RANBP2: variants seen among roughly 807,000 people sequenced by gnomAD.
RANBP2 encodes the protein RAN binding protein 2.
In RANBP2, 57 loss-of-function variants were observed where a neutral mutation model predicts 303.6. The ratio of observed to expected loss-of-function variants is 0.19; its 90% CI spans 0.15 to 0.23. The LOEUF is 0.23. Ranked by LOEUF, RANBP2 falls within the 10% of genes least tolerant of loss-of-function variation. The pLI is 1.00. For missense variants in RANBP2, 3,138 were observed against 3,780.8 expected, an observed-to-expected ratio of 0.83 and a Z score of 4.46; for synonymous variants, 1,167 against 1,301.5, an observed-to-expected ratio of 0.90 and a Z score of 2.23.
chr2:108,961,414 C>A, the RANBP2 span, among the ~76,000 whole-genome samples: 12 of 152,170 alleles, frequency 7.9e-5, no homozygotes, highest in African/African-American at 2.7e-4. Context: ...CAGGGAGGAG[C>A]CAGCATTGGA....
chr2:108,862,054 A>T, the RANBP2 span, among the ~76,000 whole-genome samples: 1 of 146,296 alleles, frequency 6.8e-6, no homozygotes. Flanking sequence ...CTATGGCCCA[A>T]GAGGATTCTT....
At chr2:108,999,491 G>A in the RANBP2 span, among the ~76,000 whole-genome samples, 1 of 152,328 alleles carries the variant, frequency 6.6e-6, no homozygotes, top group East Asian at 1.9e-4. Flanking sequence ...TGAGCAAGGT[G>A]ACCCTGGTCT....
chr2:109,666,324 G>T, the RANBP2 span, among the ~76,000 whole-genome samples: 41 of 152,150 alleles, frequency 2.7e-4, no homozygotes, highest in African/African-American at 8.9e-4. Context: ...GTGAGAAGGA[G>T]ATTTCTCTGA....
chr2:109,726,058 GGTGTGTGTGTGTGTGT>G, the RANBP2 span, among the ~76,000 whole-genome samples: 2 of 137,030 alleles, frequency 1.5e-5, no homozygotes, highest in African/African-American at 2.8e-5. Context: ...TTTTGCTTTT[GGTGTGTGTGTGTGTGT>G]GTGTGTGTGT....
the RANBP2 span, among the ~76,000 whole-genome samples, chr2:109,101,131 CTGCAGGGAAG>C: frequency 6.6e-6 from 1 of 152,106 alleles, no homozygotes; most frequent in East Asian, 1.9e-4. Context: ...GAGTGGGAGG[CTGCAGGGAAG>C]TGCAGGCTGC....
chr2:109,737,176 T>C, the RANBP2 span: 1 of 797,554 alleles, frequency 1.3e-6, no homozygotes, highest in Non-Finnish European at 2.0e-6. Flanking sequence ...CTGGTTAATT[T>C]GGAAGGAACG....
At chr2:109,378,025 T>C in the RANBP2 span, among the ~76,000 whole-genome samples, 1 of 152,230 alleles carries the variant, frequency 6.6e-6, no homozygotes, top group Non-Finnish European at 1.5e-5. Flanking sequence ...GGATTTGCCA[T>C]TTTACCTTGG....
chr2:109,039,600 C>T, the RANBP2 span, among the ~76,000 whole-genome samples: 3 of 152,154 alleles, frequency 2.0e-5, no homozygotes, highest in Non-Finnish European at 4.4e-5. Flanking sequence ...CTGCCCACCT[C>T]GGCCTCCCAA....
the RANBP2 span, among the ~76,000 whole-genome samples, chr2:109,170,802 C>T: frequency 6.6e-6 from 1 of 152,196 alleles, no homozygotes; most frequent in African/African-American, 2.4e-5. Flanking sequence ...AAGCTGACAT[C>T]CAGGTGCACA....
At chr2:108,809,198 A>G in the RANBP2 span, among the ~76,000 whole-genome samples, 1 of 152,104 alleles carries the variant, frequency 6.6e-6, no homozygotes, top group African/African-American at 2.4e-5. Flanking sequence ...TGCCAATACT[A>G]TGCTGTTCTG....
At chr2:109,666,501 GA>G in the RANBP2 span, among the ~76,000 whole-genome samples, 1 of 152,170 alleles carries the variant, frequency 6.6e-6, no homozygotes, top group Non-Finnish European at 1.5e-5. Context: ...CAACGTTTCT[GA>G]GGCAGTTAAG....
the RANBP2 span, among the ~76,000 whole-genome samples, chr2:108,812,054 C>A: frequency 3.3e-5 from 5 of 151,698 alleles, no homozygotes; most frequent in South Asian, 2.1e-4. Context: ...AATTGGATAC[C>A]CAGGAATAAA....
chr2:109,706,745 G>C, the RANBP2 span, among the ~76,000 whole-genome samples: 2 of 152,180 alleles, frequency 1.3e-5, no homozygotes, highest in African/African-American at 4.8e-5. Flanking sequence ...TCTGATAAGC[G>C]AATGAATGAA....
At chr2:109,665,698 G>T in the RANBP2 span, 2 of 165,508 alleles carry the variant, frequency 1.2e-5, no homozygotes, top group Admixed American at 5.9e-5. Flanking sequence ...GGGGCCATTC[G>T]CAGGATGGGT....
the RANBP2 span, among the ~76,000 whole-genome samples, chr2:109,447,220 T>C: frequency 6.7e-6 from 1 of 148,794 alleles, no homozygotes; most frequent in Non-Finnish European, 1.5e-5. Flanking sequence ...TAAATCAGCC[T>C]TTCTGTATTT....
At chr2:109,645,518 G>T in the RANBP2 span, among the ~76,000 whole-genome samples, 1 of 152,172 alleles carries the variant, frequency 6.6e-6, no homozygotes, top group Non-Finnish European at 1.5e-5. Context: ...CTGAAAGAAG[G>T]CTTTCCGGGG....
chr2:108,836,141 C>T, the RANBP2 span, among the ~76,000 whole-genome samples: 241 of 152,202 alleles, frequency 1.6e-3, no homozygotes, highest in Non-Finnish European at 1.9e-3. Flanking sequence ...CAAACCATAG[C>T]GCTTATTAAA....
At chr2:108,962,161 CT>C in the RANBP2 span, among the ~76,000 whole-genome samples, 5 of 152,210 alleles carry the variant, frequency 3.3e-5, no homozygotes, top group Admixed American at 6.5e-5. Context: ...GCCTCTCAGC[CT>C]TTCCTTAGGG....
chr2:109,131,955 G>A, the RANBP2 span, among the ~76,000 whole-genome samples: 1 of 152,170 alleles, frequency 6.6e-6, no homozygotes, highest in African/African-American at 2.4e-5. Context: ...AATAGCATTA[G>A]GTCCAGCACA....
Sources: allele counts gnomAD v4.1 joint callset (sites outside exome capture counted in the v4.1 genomes callset), GRCh38; gene constraint gnomAD v4.1.1; transcripts MANE v1.5; gene names NCBI Gene and HGNC (gene_info 2026-07-23, HGNC 2026-07-21).